Variants in ALOXE3 observed in about 807,000 individuals in gnomAD.
ALOXE3 encodes the protein arachidonate epidermal lipoxygenase 3, also known as hydroperoxide isomerase ALOXE3.
Under a neutral mutation model 87.5 loss-of-function variants are expected in ALOXE3, and 78 were observed. That is an observed-to-expected ratio of 0.89 (90% CI 0.74 to 1.08). The LOEUF is 1.08. Among genes scored for constraint, ALOXE3 ranks in the 50% least tolerant of loss-of-function variants. The probability of loss-of-function intolerance (pLI) is 0.00; values close to 1 mark genes in which losing one functional copy is unlikely to be tolerated. For missense variants in ALOXE3, 946 were observed against 912.4 expected, an observed-to-expected ratio of 1.04 and a Z score of -0.47; for synonymous variants, 363 against 370.8, an observed-to-expected ratio of 0.98 and a Z score of 0.24.
intron 2 of ALOXE3, among the ~76,000 whole-genome samples, 153 bp from the exon 3 acceptor site, chr17:8,117,133 G>A (rs1215587201): frequency 6.6e-6 from 1 of 152,254 alleles, no homozygotes; most frequent in Non-Finnish European, 1.5e-5. Flanking sequence ...ATTAGAAAAA[G>A]CTTCCCCGGG....
rs748739747 is a variant in ALOXE3, at chr17:8,109,355, G to T, written c.1393-12C>A. 1.2e-6 allele frequency: 2 copies of T among 1,612,758 alleles called. No homozygotes were observed. The highest frequency in any genetic ancestry group is 4.5e-5 in the East Asian group (2 of 44,860). On this transcript the variant is annotated splice_polypyrimidine_tract_variant and intron_variant, in intron 11 of 15. Coordinates refer to ENST00000448843, the MANE Select transcript of ALOXE3 (RefSeq NM_021628.3). ...CCGATGGACGTGACCTGAGGACACA[G>T]CACAGCTCGGCTCCCGGGCCGGCCC...
chr17:8,115,818 C>T, intron 3 of ALOXE3, 130 bp from the exon 4 acceptor site: 1 of 854,878 alleles, frequency 1.2e-6, no homozygotes, highest in South Asian at 1.4e-5. Flanking sequence ...GTGGCGGTGC[C>T]CCCACGTTCT....
rs370799528 is a variant in ALOXE3, at chr17:8,111,549, G to A, written c.785-18C>T. The A allele has an allele frequency of 1.9e-6, 3 of 1,614,008 alleles. No homozygotes were observed. The highest frequency in any genetic ancestry group is 2.7e-5 in the African/African-American group (2 of 75,052). On this transcript the variant is annotated intron_variant, in intron 7 of 15. Coordinates refer to ENST00000448843, the MANE Select transcript of ALOXE3 (RefSeq NM_021628.3). ...GACATACTCTGGGATACAAGAGAGG[G>A]GACCAGTTGGTCTAGAAACTACTTC...
At position 8,107,993 on chromosome 17, in the gene ALOXE3, AGGAAG is replaced by A. The variant is rs1254308975; in HGVS notation, c.1684+470_1684+474del. Among the ~76,000 whole-genome samples the A allele has an allele frequency of 1.7e-3, 36 of 21,336 alleles. 10 individuals are homozygous for A. Among genetic ancestry groups the A allele is most frequent in the South Asian group, 4.9e-3 (4 of 810 alleles). 14.0% of individuals were successfully genotyped at this position (21,336 alleles called of 152,430 possible). A position where few individuals can be genotyped will look rare whatever the true frequency, so the allele number is the denominator to read the frequency against. On this transcript the variant is annotated intron_variant, in intron 13 of 15. Coordinates refer to ENST00000448843, the MANE Select transcript of ALOXE3 (RefSeq NM_021628.3). Reference sequence around the variant, plus strand: ...GAGAGAGAGAGAGAGAAAGAAAGAAAGGAAGGAAAGAAAGAAAGAAAGAAAGAAAG... The same window carrying A: ...GAGAGAGAGAGAGAGAAAGAAAGAAAGAAAGAAAGAAAGAAAGAAAGAAAG...
intron 13 of ALOXE3, among the ~76,000 whole-genome samples, chr17:8,107,629 C>T (rs189245917): frequency 1.4e-5 from 2 of 146,620 alleles, no homozygotes; most frequent in Admixed American, 1.3e-4. Context: ...GAAATCCTGT[C>T]TCTACTAAAA....
In ALOXE3 at chr17:8,096,746, C is replaced by T; in HGVS notation, c.2017G>A (p.Ala673Thr). 1.9e-6 allele frequency: 3 copies of T among 1,614,132 alleles called. No individual in the cohort carries two copies. Among genetic ancestry groups the T allele is most frequent in the East Asian group, 2.2e-5 (1 of 44,874 alleles). The part of the protein sequence containing the change: ...FTEEAPRRSI[A>T]AFQSRLAQIS... Reference sequence around the variant, plus strand: ...TGGGCCAGGCGGCTCTGGAAGGCGGCGATGCTCCGCCTCGGGGCCTCCTCT... The same window carrying T: ...TGGGCCAGGCGGCTCTGGAAGGCGGTGATGCTCCGCCTCGGGGCCTCCTCT... Residue 673 changes from alanine to threonine, a missense_variant, in exon 16 of 16, where the codon GCC (alanine) becomes ACC (threonine). Physicochemically the swap from Ala to Thr is moderately conservative, Grantham distance 58. Coordinates refer to ENST00000448843, the MANE Select transcript of ALOXE3 (RefSeq NM_021628.3).
intron 13 of ALOXE3, among the ~76,000 whole-genome samples, chr17:8,106,150 C>T (rs1470567104): frequency 1.3e-5 from 2 of 151,820 alleles, no homozygotes; most frequent in East Asian, 1.9e-4. Flanking sequence ...AATTCCAGAG[C>T]ACTATGAGGA....
chr17:8,109,505 C>T (rs1423823306), intron 11 of ALOXE3, among the ~76,000 whole-genome samples, 162 bp from the exon 12 acceptor site: 1 of 152,264 alleles, frequency 6.6e-6, no homozygotes, highest in Non-Finnish European at 1.5e-5. Context: ...GCAGGCTGCG[C>T]AGCTTGACGC....
intron 15 of ALOXE3, among the ~76,000 whole-genome samples, chr17:8,102,208 T>C (rs1423607781): frequency 6.6e-6 from 1 of 152,178 alleles, no homozygotes; most frequent in Non-Finnish European, 1.5e-5. Flanking sequence ...AAAGTCTTGA[T>C]TGGCGGCCGT....
chr17:8,096,831 C>G (rs1292189659), intron 15 of ALOXE3, 25 bp from the exon 16 acceptor site: 1 of 1,611,648 alleles, frequency 6.2e-7, no homozygotes, highest in African/African-American at 1.3e-5. Context: ...GGTAAGAGGT[C>G]AGGATGACAT....
rs1277933211 is a variant in ALOXE3 at position 8,096,586 on chromosome 17, G to A, written c.*41C>T. 2.1e-6 allele frequency: 2 copies of A among 954,156 alleles called. No homozygotes were observed. The highest frequency in any genetic ancestry group is 3.4e-5 in the Admixed American group (2 of 59,180). The allele number at this position is 954,156 out of a possible 1,614,324, so 59.1% of individuals were successfully genotyped here. ...GACCTGAGGAACTGGTCCTCCTCATGCTTGGACCTTTCTTTCTTCTTGGGT... is the reference window on the plus strand; with the variant it reads ...GACCTGAGGAACTGGTCCTCCTCATACTTGGACCTTTCTTTCTTCTTGGGT... On this transcript the variant is annotated 3_prime_UTR_variant, in exon 16 of 16. Transcript: ENST00000448843.
chr17:8,118,744 G>T, upstream of ALOXE3: 2 of 1,537,292 alleles, frequency 1.3e-6, no homozygotes, highest in Non-Finnish European at 1.7e-6. Flanking sequence ...GAAATACAGC[G>T]CCGGCAAACA....
At position 8,108,053 on chromosome 17, in the gene ALOXE3, A is replaced by AAGAAAGAAAG. The variant is rs1158804643; in HGVS notation, c.1684+405_1684+414dup. 1.3e-5 allele frequency among the ~76,000 whole-genome samples: 2 copies of AAGAAAGAAAG among 149,404 alleles called. 1 individual carries two copies. Among genetic ancestry groups the AAGAAAGAAAG allele is most frequent in the Non-Finnish European group, 3.0e-5 (2 of 67,186 alleles). On this transcript the variant is annotated intron_variant, in intron 13 of 15. Coordinates refer to ENST00000448843, the MANE Select transcript of ALOXE3 (RefSeq NM_021628.3). ...AAAGAAAGAAAGAAAGAAAGAAAGA[A>AAGAAAGAAAG]AGAAAGAAAGAAAGGAAGAGAGGTT...
chr17:8,109,034 A>T, intron 12 of ALOXE3, 140 bp downstream of exon 12: 1 of 1,349,122 alleles, frequency 7.4e-7, no homozygotes, highest in Non-Finnish European at 1.0e-6. Flanking sequence ...GGGACCCCAA[A>T]CTCAATTCAT....
At chr17:8,109,665 G>A (rs1198141635) in intron 11 of ALOXE3, among the ~76,000 whole-genome samples, 1 of 151,616 alleles carries the variant, frequency 6.6e-6, no homozygotes, top group Non-Finnish European at 1.5e-5. Context: ...GTGGCCCGGC[G>A]GGGCTGGGGG....
intron 7 of ALOXE3, 121 bp from the exon 8 acceptor site, chr17:8,111,652 A>C: frequency 2.1e-6 from 2 of 974,342 alleles, no homozygotes; most frequent in South Asian, 2.8e-5. Context: ...ATGAGGTAGG[A>C]ATCATTATAT....
chr17:8,114,006 C>T (rs1417111736), intron 6 of ALOXE3, among the ~76,000 whole-genome samples: 1 of 141,578 alleles, frequency 7.1e-6, no homozygotes, highest in Non-Finnish European at 1.5e-5. Flanking sequence ...GCCTGGGCGA[C>T]AGGAGTGAAA....
At position 8,118,023 on chromosome 17, in the gene ALOXE3, C is replaced by A; in HGVS notation, c.-33G>T. On this transcript the variant is annotated 5_prime_UTR_variant, in exon 2 of 16. Transcript: ENST00000448843. ...AGGAGGAAGGGATGCCCCGGCAACG[C>A]TGGCCGCAGCAGCAGCCGGCCTGGA... 1 of 1,605,470 alleles carries A rather than the reference C, an allele frequency of 6.2e-7. No homozygotes were observed. Among genetic ancestry groups the A allele is most frequent in the Non-Finnish European group, 8.5e-7 (1 of 1,178,168 alleles).
At chr17:8,112,376 G>A (rs1320686170) in intron 6 of ALOXE3, among the ~76,000 whole-genome samples, 180 bp from the exon 7 acceptor site, 1 of 152,152 alleles carries the variant, frequency 6.6e-6, no homozygotes, top group Non-Finnish European at 1.5e-5. Context: ...GGAAGACCCT[G>A]GTTCATATGC....
Sources: gnomAD v4.1 joint callset for allele counts (sites outside exome capture counted in the v4.1 genomes callset) on GRCh38, gnomAD v4.1.1 for gene constraint, MANE v1.5 for transcripts, NCBI Gene and HGNC (gene_info 2026-07-23, HGNC 2026-07-21) for gene names.